ESRP1: variants seen among roughly 807,000 people sequenced by gnomAD.
ESRP1 encodes the protein epithelial splicing regulatory protein 1, also known as RNA-binding motif protein 35A.
Under a neutral mutation model 81.7 loss-of-function variants are expected in ESRP1, and 33 were observed. The observed-to-expected ratio is 0.40, with a 90% confidence interval of 0.31 to 0.54. ESRP1 has a LOEUF of 0.54. Ranked by LOEUF, ESRP1 falls within the 20% of genes least tolerant of loss-of-function variation. The pLI, the probability that ESRP1 is intolerant of heterozygous loss-of-function variation, is 0.41. For missense variants in ESRP1, 672 were observed against 833.1 expected, an observed-to-expected ratio of 0.81 and a Z score of 2.38; for synonymous variants, 320 against 303.3, an observed-to-expected ratio of 1.06 and a Z score of -0.57.
At chr8:94,680,755 CT>C (rs1479359883) in intron 13 of ESRP1, among the ~76,000 whole-genome samples, 1 of 152,100 alleles carries the variant, frequency 6.6e-6, no homozygotes, top group East Asian at 1.9e-4. Context: ...CCTGGCATAA[CT>C]ACTGGGCATT....
At chr8:94,684,385 C>A (rs1809054165) in intron 13 of ESRP1, among the ~76,000 whole-genome samples, 3 of 152,172 alleles carry the variant, frequency 2.0e-5, no homozygotes, top group Admixed American at 2.0e-4. Flanking sequence ...AGTCCATAGA[C>A]TGCTGTAGTT....
intron 10 of ESRP1, among the ~76,000 whole-genome samples, chr8:94,669,783 T>A (rs1819217165): frequency 6.7e-6 from 1 of 148,464 alleles, no homozygotes; most frequent in African/African-American, 2.5e-5. Context: ...GGCAGGAGAA[T>A]CGCTTGAACC....
chr8:94,662,230 G>A lies in ESRP1; in HGVS notation c.491-42G>A, dbSNP rs1271056032. On this transcript the variant is annotated intron_variant, in intron 4 of 15. Transcript: ENST00000433389. ...TTTAATTTTGATTTAGAAGTAACCT[G>A]ATTTTACCTTTCCAAAGTGTTTCCT... 4 of 1,290,928 alleles carry A rather than the reference G, an allele frequency of 3.1e-6. No individual in the cohort carries two copies. The East Asian group carries it at 7.5e-5, about 24-fold the overall frequency. 80.0% of individuals were successfully genotyped at this position (1,290,928 alleles called of 1,614,324 possible). A position where few individuals can be genotyped will look rare whatever the true frequency, so the allele number is the denominator to read the frequency against.
chr8:94,696,724 G>A, intron 14 of ESRP1, 128 bp from the exon 15 acceptor site: 1 of 671,076 alleles, frequency 1.5e-6, no homozygotes, highest in Non-Finnish European at 2.5e-6. Context: ...TATATGGCTT[G>A]TACCTGTGTT....
At chr8:94,698,191 G>A (rs751290646) in intron 15 of ESRP1, among the ~76,000 whole-genome samples, 3 of 152,288 alleles carry the variant, frequency 2.0e-5, no homozygotes, top group South Asian at 2.1e-4. Flanking sequence ...GCCAGGTACC[G>A]CCGTCCAGCT....
chr8:94,646,731 T>C lies in ESRP1; in HGVS notation c.490+449T>C, dbSNP rs116338627. Among the ~76,000 whole-genome samples the C allele has an allele frequency of 9.5e-3, 1,440 of 152,302 alleles. 19 individuals carry two copies. The highest frequency in any genetic ancestry group is 0.033 in the African/African-American group (1,366 of 41,576). ...CACTGGTCCCGCTTTTAGCCTCCCC[T>C]GAGTTTTTCAAATACAAGATTATGC... On this transcript the variant is annotated intron_variant, in intron 4 of 15. Coordinates refer to ENST00000433389, the MANE Select transcript of ESRP1 (RefSeq NM_017697.4).
rs1329055695 is a variant in ESRP1 at position 94,706,842 on chromosome 8, A to G, written c.*953A>G. 6.6e-6 allele frequency: 1 copy of G among 152,240 alleles called. No individual in the cohort carries two copies. The highest frequency in any genetic ancestry group is 1.5e-5 in the Non-Finnish European group (1 of 68,042). The allele number at this position is 152,240 out of a possible 1,614,324, so 9.4% of individuals were successfully genotyped here. On this transcript the variant is annotated 3_prime_UTR_variant, in exon 16 of 16. Coordinates refer to ENST00000433389, the MANE Select transcript of ESRP1 (RefSeq NM_017697.4). Reference sequence around the variant, plus strand: ...ACAGAAGTGAATGCTTATATATATTATGATAGCCTTAAACCTTTTTCCTCT... The same window carrying G: ...ACAGAAGTGAATGCTTATATATATTGTGATAGCCTTAAACCTTTTTCCTCT...
intron 12 of ESRP1, among the ~76,000 whole-genome samples, chr8:94,677,504 C>T (rs1808693148): frequency 6.6e-6 from 1 of 152,110 alleles, no homozygotes; most frequent in Non-Finnish European, 1.5e-5. Context: ...TTAATCTGAG[C>T]CAGCTTTTTA....
Position 94,705,985 on chromosome 8 carries a change from C to A in ESRP1, c.*96C>A. 4 of 1,510,920 alleles carry A rather than the reference C, an allele frequency of 2.6e-6. No individual in the cohort carries two copies. Among genetic ancestry groups the A allele is most frequent in the East Asian group, 5.0e-5 (2 of 39,654 alleles). The allele number at this position is 1,510,920 out of a possible 1,614,324, so 93.6% of individuals were successfully genotyped here. A position where few individuals can be genotyped will look rare whatever the true frequency, so the allele number is the denominator to read the frequency against. ...GACACAAGAAAACTTCTAGCAAATT[C>A]AGGGGAAGTTTGTCTACACTCAGGC... On this transcript the variant is annotated 3_prime_UTR_variant, in exon 16 of 16. Coordinates refer to ENST00000433389, the MANE Select transcript of ESRP1 (RefSeq NM_017697.4).
chr8:94,672,084 T>C (rs1374150843), intron 11 of ESRP1, among the ~76,000 whole-genome samples: 1 of 152,228 alleles, frequency 6.6e-6, no homozygotes, highest in Non-Finnish European at 1.5e-5. Context: ...ATTTTGGCTG[T>C]TCAACTCTGC....
At chr8:94,677,080 GCA>G (rs1808674678) in intron 12 of ESRP1, among the ~76,000 whole-genome samples, 1 of 151,984 alleles carries the variant, frequency 6.6e-6, no homozygotes, top group South Asian at 2.1e-4. Context: ...TTGGTCTTTT[GCA>G]CAGTTTTTGA....
chr8:94,683,492 G>A (rs550659610), intron 13 of ESRP1, among the ~76,000 whole-genome samples: 26 of 152,156 alleles, frequency 1.7e-4, no homozygotes, highest in Non-Finnish European at 3.4e-4. Flanking sequence ...TGTACACTTC[G>A]CCTAGTTTAT....
Position 94,705,949 on chromosome 8 carries a change from T to G in ESRP1, c.*60T>G. The G allele has an allele frequency of 6.6e-7, 1 of 1,525,304 alleles. No individual in the cohort carries two copies. 94.5% of individuals were successfully genotyped at this position (1,525,304 alleles called of 1,614,324 possible). A position where few individuals can be genotyped will look rare whatever the true frequency, so the allele number is the denominator to read the frequency against. The stretch of plus-strand genomic sequence containing the variant: ...GTGTTTGAAAGATGTATGGTGATCT[T>G]GAAACCTCCAGACACAAGAAAACTT... On this transcript the variant is annotated 3_prime_UTR_variant, in exon 16 of 16. Coordinates refer to ENST00000433389, the MANE Select transcript of ESRP1 (RefSeq NM_017697.4).
chr8:94,697,085 T>A, intron 15 of ESRP1, 124 bp downstream of exon 15: 1 of 652,514 alleles, frequency 1.5e-6, no homozygotes, highest in Non-Finnish European at 2.5e-6. Context: ...ATATCAGATA[T>A]CCTGGAAGGA....
chr8:94,672,426 G>T (rs1819372853), intron 11 of ESRP1, among the ~76,000 whole-genome samples: 1 of 152,036 alleles, frequency 6.6e-6, no homozygotes, highest in Non-Finnish European at 1.5e-5. Flanking sequence ...CTAATTTTTG[G>T]TTAAAGAAAA....
chr8:94,660,216 C>T (rs1041192344), intron 4 of ESRP1, among the ~76,000 whole-genome samples: 1 of 152,196 alleles, frequency 6.6e-6, no homozygotes. Context: ...GCTTCAAAAG[C>T]TGATTCTCTT....
chr8:94,705,874 T>C (rs988003596), intron 15 of ESRP1, 51 bp from the exon 16 acceptor site: 29 of 1,447,184 alleles, frequency 2.0e-5, no homozygotes, highest in Non-Finnish European at 2.5e-5. Flanking sequence ...AGAATGACAT[T>C]TAGAGACTAT....
At chr8:94,686,656 T>A (rs1245361881) in intron 13 of ESRP1, among the ~76,000 whole-genome samples, 1 of 152,228 alleles carries the variant, frequency 6.6e-6, no homozygotes, top group Non-Finnish European at 1.5e-5. Context: ...TATGGTCCTA[T>A]CAATTTTTGA....
rs1810082637 is a variant in ESRP1, at chr8:94,706,727, G to A, written c.*838G>A. On this transcript the variant is annotated 3_prime_UTR_variant, in exon 16 of 16. Transcript: ENST00000433389. ...GTACTTTTTTCATTATTGATGGTTTGGACTTTAATAAGAGAAATTCCATAG... is the reference window on the plus strand; with the variant it reads ...GTACTTTTTTCATTATTGATGGTTTAGACTTTAATAAGAGAAATTCCATAG... 1 of 152,376 alleles carries A rather than the reference G, an allele frequency of 6.6e-6. No homozygotes were observed. The highest frequency in any genetic ancestry group is 6.6e-5 in the Admixed American group (1 of 15,266). The allele number at this position is 152,376 out of a possible 1,614,324, so 9.4% of individuals were successfully genotyped here. A position where few individuals can be genotyped will look rare whatever the true frequency, so the allele number is the denominator to read the frequency against.
Sources: allele counts gnomAD v4.1 joint callset (sites outside exome capture counted in the v4.1 genomes callset), GRCh38; gene constraint gnomAD v4.1.1; transcripts MANE v1.5; gene names NCBI Gene and HGNC (gene_info 2026-07-23, HGNC 2026-07-21).